Variants in ZNF804B observed in about 807,000 individuals in gnomAD.
ZNF804B encodes the protein zinc finger protein 804B, also known as zinc finger 804B.
A neutral mutation model predicts 101.4 loss-of-function variants in ZNF804B; 80 were observed. The ratio of observed to expected loss-of-function variants is 0.79; its 90% CI spans 0.66 to 0.95. The LOEUF (loss-of-function observed/expected upper bound fraction) is 0.95, where lower values mean the gene tolerates loss of function less well. Ranked by LOEUF, ZNF804B falls within the 40% of genes least tolerant of loss-of-function variation. The probability of loss-of-function intolerance (pLI) is 0.00; values close to 1 mark genes in which losing one functional copy is unlikely to be tolerated. For synonymous variants in ZNF804B, 622 were observed against 558.8 expected, an observed-to-expected ratio of 1.11 and a Z score of -1.59; for missense variants, 1,673 against 1,561.9, an observed-to-expected ratio of 1.07 and a Z score of -1.20.
At position 89,275,070 on chromosome 7, in the gene ZNF804B, G is replaced by A. The variant is rs907980808; in HGVS notation, c.250-52274G>A. On this transcript the variant is annotated intron_variant, in intron 2 of 3. Transcript: ENST00000333190. ...AACAGACTTGCATCTGTATTTGGAC[G>A]TCTAATAGGCATCTGAAAATTATCT... Among the ~76,000 whole-genome samples, 71 of 151,892 alleles carry A rather than the reference G, an allele frequency of 4.7e-4. 2 individuals carry two copies. Among genetic ancestry groups the A allele is most frequent in the African/African-American group, 1.5e-3 (60 of 41,234 alleles).
rs111230946 is a variant in ZNF804B, at chr7:89,217,426, C to T, written c.109-729C>T. Among the ~76,000 whole-genome samples the T allele has an allele frequency of 4.6e-3, 701 of 152,218 alleles. 7 individuals carry two copies. The highest frequency in any genetic ancestry group is 0.015 in the African/African-American group (643 of 41,528). On this transcript the variant is annotated intron_variant, in intron 1 of 3. Transcript: ENST00000333190. Reference sequence around the variant, plus strand: ...ATCTATAATGCAGACTAAAATAGAACCTTACTCATAGGGTTGTTGTGAGGA... The same window carrying T: ...ATCTATAATGCAGACTAAAATAGAATCTTACTCATAGGGTTGTTGTGAGGA...
intron 1 of ZNF804B, among the ~76,000 whole-genome samples, chr7:89,132,964 C>T (rs1243362184): frequency 6.6e-6 from 1 of 152,022 alleles, no homozygotes; most frequent in Admixed American, 6.6e-5. Context: ...TGGTAAAATA[C>T]AGCCAAAGAT....
chr7:88,949,567 C>T (rs1463232516), intron 1 of ZNF804B, among the ~76,000 whole-genome samples: 2 of 151,792 alleles, frequency 1.3e-5, no homozygotes, highest in Non-Finnish European at 2.9e-5. Flanking sequence ...TTTCCTTTAG[C>T]AGGGTTTTAT....
chr7:89,184,868 TG>T (rs35784349), intron 1 of ZNF804B, among the ~76,000 whole-genome samples: 25,709 of 152,150 alleles, frequency 0.17, 2,318 homozygotes, highest in Middle Eastern at 0.29. Flanking sequence ...TATATTCCTA[TG>T]GGCAACTAGA....
intron 1 of ZNF804B, among the ~76,000 whole-genome samples, chr7:89,111,323 G>A (rs1790212735): frequency 6.6e-6 from 1 of 152,156 alleles, no homozygotes; most frequent in Non-Finnish European, 1.5e-5. Flanking sequence ...CTTCCAAAGT[G>A]GCTGGTATGA....
intron 1 of ZNF804B, among the ~76,000 whole-genome samples, chr7:89,128,478 C>A (rs555357212): frequency 6.6e-6 from 1 of 152,034 alleles, no homozygotes; most frequent in African/African-American, 2.4e-5. Context: ...ATCCTTTTAT[C>A]ATTATGAAAG....
intron 1 of ZNF804B, among the ~76,000 whole-genome samples, chr7:88,816,501 T>C (rs1790880926): frequency 6.6e-6 from 1 of 151,878 alleles, no homozygotes; most frequent in African/African-American, 2.4e-5. Context: ...AAGGCTAATA[T>C]CCAGAATCTA....
intron 1 of ZNF804B, among the ~76,000 whole-genome samples, chr7:88,937,716 A>G (rs2116036614): frequency 6.6e-6 from 1 of 152,212 alleles, no homozygotes; most frequent in Admixed American, 6.5e-5. Context: ...ATAGTGGCAA[A>G]CAATGTTTTC....
At chr7:89,297,715 T>G (rs1436577647) in intron 2 of ZNF804B, among the ~76,000 whole-genome samples, 1 of 152,012 alleles carries the variant, frequency 6.6e-6, no homozygotes, top group African/African-American at 2.4e-5. Context: ...ATATTCTGTA[T>G]TACTCTCTAT....
intron 2 of ZNF804B, among the ~76,000 whole-genome samples, chr7:89,322,170 G>A (rs62469514): frequency 0.076 from 11,508 of 152,140 alleles, 483 homozygotes; most frequent in Middle Eastern, 0.17. Flanking sequence ...ACAAATTTCC[G>A]TAAGGTAATA....
At chr7:89,099,105 T>TAC (rs933630431) in intron 1 of ZNF804B, among the ~76,000 whole-genome samples, 2 of 146,166 alleles carry the variant, frequency 1.4e-5, no homozygotes, top group African/African-American at 2.6e-5. Flanking sequence ...CACACACACA[T>TAC]ACACACACAC....
At chr7:89,008,163 T>G (rs1788398074) in intron 1 of ZNF804B, among the ~76,000 whole-genome samples, 1 of 152,148 alleles carries the variant, frequency 6.6e-6, no homozygotes, top group Admixed American at 6.5e-5. Context: ...AGTAATTTCA[T>G]TTGCTGATTT....
intron 1 of ZNF804B, among the ~76,000 whole-genome samples, chr7:88,959,190 A>G (rs905498989): frequency 1.3e-5 from 2 of 151,388 alleles, no homozygotes; most frequent in African/African-American, 2.4e-5. Context: ...CTTGTTATGT[A>G]GTACACATTT....
chr7:89,336,142 C>T lies in ZNF804B; in HGVS notation c.3160C>T (p.Pro1054Ser), dbSNP rs369418952. The T allele has an allele frequency of 5.5e-5, 89 of 1,613,724 alleles. No homozygotes were observed. Among genetic ancestry groups the T allele is most frequent in the African/African-American group, 8.0e-5 (6 of 74,914 alleles). The stretch of plus-strand genomic sequence containing the variant: ...TGCAACAACAAAAGAACAATCAAAA[C>T]CTTTAATTAGTGAAATCCAACCTTT... The part of the protein sequence containing the change: ...RDATTKEQSK[P>S]LISEIQPFIQ... The change falls in exon 4 of 4, where the codon CCT becomes TCT. Residue 1054 changes from proline to serine, a missense_variant. Transcript: ENST00000333190.
intron 1 of ZNF804B, among the ~76,000 whole-genome samples, chr7:89,166,711 A>G (rs1791149907): frequency 6.6e-6 from 1 of 152,202 alleles, no homozygotes; most frequent in South Asian, 2.1e-4. Flanking sequence ...ACTAAACATG[A>G]CGAAAAGTAT....
chr7:88,895,762 G>A lies in ZNF804B; in HGVS notation c.108+135678G>A, dbSNP rs537624236. On this transcript the variant is annotated intron_variant, in intron 1 of 3. Transcript: ENST00000333190. ...CACGGAAGACAACTGAAAGAGCTCCGAATATTCAAAGCTGGAACAAGTTGT... is the reference window on the plus strand; with the variant it reads ...CACGGAAGACAACTGAAAGAGCTCCAAATATTCAAAGCTGGAACAAGTTGT... Among the ~76,000 whole-genome samples, 28 of 152,262 alleles carry A rather than the reference G, an allele frequency of 1.8e-4. No individual in the cohort carries two copies. In the South Asian group the frequency reaches 2.1e-3, roughly 11 times the overall value.
intron 1 of ZNF804B, among the ~76,000 whole-genome samples, chr7:89,087,426 T>G (rs1053967342): frequency 1.3e-5 from 2 of 151,996 alleles, no homozygotes; most frequent in Non-Finnish European, 2.9e-5. Flanking sequence ...TCAAATCATT[T>G]GAGTAATTAT....
At chr7:88,862,519 C>A (rs1009902756) in intron 1 of ZNF804B, among the ~76,000 whole-genome samples, 25 of 152,096 alleles carry the variant, frequency 1.6e-4, no homozygotes, top group African/African-American at 5.3e-4. Context: ...ATAGATACAA[C>A]AAAATTGAAA....
At position 89,007,021 on chromosome 7, in the gene ZNF804B, A is replaced by G. The variant is rs148289849; in HGVS notation, c.109-211134A>G. ...CAACTGTGTGCTTCTGGGCTGGGACACGACCTTCAGCACTATATGCAGCAG... is the reference window on the plus strand; with the variant it reads ...CAACTGTGTGCTTCTGGGCTGGGACGCGACCTTCAGCACTATATGCAGCAG... On this transcript the variant is annotated intron_variant, in intron 1 of 3. Transcript: ENST00000333190. Among the ~76,000 whole-genome samples the G allele has an allele frequency of 9.2e-5, 14 of 152,208 alleles. No homozygotes were observed. In the East Asian group the frequency reaches 2.7e-3, roughly 30 times the overall value.
Sources: allele counts gnomAD v4.1 joint callset (sites outside exome capture counted in the v4.1 genomes callset), GRCh38; gene constraint gnomAD v4.1.1; transcripts MANE v1.5; gene names NCBI Gene and HGNC (gene_info 2026-07-23, HGNC 2026-07-21).